The following KDM7A variants were observed in gnomAD, a reference collection of about 807,000 sequenced individuals.
The protein encoded by KDM7A is lysine-specific demethylase 7A.
A neutral mutation model predicts 114.8 loss-of-function variants in KDM7A; 28 were observed. That is an observed-to-expected ratio of 0.24 (90% confidence interval 0.18 to 0.33). The LOEUF is 0.33. Ranked by LOEUF, KDM7A falls within the 10% of genes least tolerant of loss-of-function variation. The pLI, the probability that KDM7A is intolerant of heterozygous loss-of-function variation, is 1.00. For synonymous variants in KDM7A, 423 were observed against 397.8 expected, an observed-to-expected ratio of 1.06 and a Z score of -0.75; for missense variants, 942 against 1,142.5, an observed-to-expected ratio of 0.82 and a Z score of 2.53.
intron 15 of KDM7A, 40 bp from the exon 16 acceptor site, chr7:140,097,087 A>G (rs768767587): frequency 5.3e-6 from 8 of 1,520,248 alleles, no homozygotes; most frequent in Non-Finnish European, 7.2e-6. Flanking sequence ...TACATAAGAA[A>G]TTGACCAAGT....
intron 1 of KDM7A, among the ~76,000 whole-genome samples, chr7:140,145,070 ATTTC>A (rs1285094810): frequency 3.3e-5 from 5 of 152,168 alleles, no homozygotes; most frequent in African/African-American, 1.2e-4. Flanking sequence ...AGCCTCAGGT[ATTTC>A]TTTATAATGA....
intron 1 of KDM7A, among the ~76,000 whole-genome samples, chr7:140,156,958 C>T (rs960104699): frequency 6.6e-6 from 1 of 152,246 alleles, no homozygotes; most frequent in African/African-American, 2.4e-5. Flanking sequence ...CATACTCACC[C>T]TCTGCTCCAT....
intron 2 of KDM7A, 77 bp downstream of exon 2, chr7:140,139,028 G>A (rs1451130725): frequency 6.8e-6 from 6 of 885,576 alleles, no homozygotes; most frequent in African/African-American, 1.6e-5. Flanking sequence ...TATCATTAAA[G>A]TATTACCATG....
rs1196937663 is a variant in KDM7A at position 140,086,987 on chromosome 7, A to G, written c.*4107T>C. On this transcript the variant is annotated 3_prime_UTR_variant, in exon 20 of 20. Coordinates refer to ENST00000397560, the MANE Select transcript of KDM7A (RefSeq NM_030647.2). ...GTCACATGATATTCCAATCAACTCT[A>G]TCTATAGTCTTACTGCTGCAGAGAG... 6.6e-6 allele frequency: 1 copy of G among 152,176 alleles called. No individual in the cohort carries two copies. Among genetic ancestry groups the G allele is most frequent in the Admixed American group, 6.5e-5 (1 of 15,274 alleles). The allele number at this position is 152,176 out of a possible 1,614,324, so 9.4% of individuals were successfully genotyped here.
Position 140,097,113 on chromosome 7 carries a change from C to T in KDM7A, c.2017-66G>A, listed in dbSNP as rs1057075596. ...TTGACCAAGTCTGTACAAATGAATC[C>T]GAAAAGATTTTATACATCTAGAGAA... On this transcript the variant is annotated intron_variant, in intron 15 of 19. Transcript: ENST00000397560. 1.4e-5 allele frequency: 17 copies of T among 1,216,280 alleles called. No individual in the cohort carries two copies. The Admixed American group carries it at 1.5e-4, about 10-fold the overall frequency. The allele number at this position is 1,216,280 out of a possible 1,614,324, so 75.3% of individuals were successfully genotyped here.
chr7:140,127,379 C>T (rs1818723096), intron 5 of KDM7A, 63 bp downstream of exon 5: 1 of 1,366,000 alleles, frequency 7.3e-7, no homozygotes, highest in East Asian at 2.3e-5. Context: ...AAAATAAATA[C>T]ATCATTACAC....
chr7:140,160,273 T>C (rs1585166270), intron 1 of KDM7A, among the ~76,000 whole-genome samples: 1 of 152,262 alleles, frequency 6.6e-6, no homozygotes, highest in Admixed American at 6.5e-5. Context: ...GTGATGGTGG[T>C]AAATGAAACT....
intron 1 of KDM7A, among the ~76,000 whole-genome samples, chr7:140,145,193 G>C (rs1408569841): frequency 6.6e-6 from 1 of 152,146 alleles, no homozygotes; most frequent in Non-Finnish European, 1.5e-5. Context: ...TGCAGACCCA[G>C]AGCAGGAAAT....
At chr7:140,094,322 T>G (rs190175489) in intron 17 of KDM7A, among the ~76,000 whole-genome samples, 184 bp from the exon 18 acceptor site, 2 of 152,200 alleles carry the variant, frequency 1.3e-5, no homozygotes, top group East Asian at 1.9e-4. Flanking sequence ...CTGGCCAACA[T>G]GGTGAAACCC....
Position 140,101,000 on chromosome 7 carries a change from G to A in KDM7A, c.1638+951C>T, listed in dbSNP as rs771570910. On this transcript the variant is annotated intron_variant, in intron 12 of 19. Transcript: ENST00000397560. Reference sequence around the variant, plus strand: ...CCTGACCTCGTGATCCACCCGCCTCGGCCTCCCAATTTTTTTTTTTTTTAA... The same window carrying A: ...CCTGACCTCGTGATCCACCCGCCTCAGCCTCCCAATTTTTTTTTTTTTTAA... Among the ~76,000 whole-genome samples the A allele has an allele frequency of 6.7e-4, 101 of 150,916 alleles. 1 individual carries two copies. The highest frequency in any genetic ancestry group is 5.9e-4 in the Non-Finnish European group (40 of 67,746).
At position 140,124,772 on chromosome 7, in the gene KDM7A, A is replaced by G. The variant is rs754810760; in HGVS notation, c.900T>C (p.Ile300=). Residue 300 remains isoleucine, a synonymous_variant, in exon 7 of 20, where the codon ATT becomes ATC. Transcript: ENST00000397560. ...VWYHVLWGEK[I]FYLIKPTDEN... ...CATCTGTTGGCTTTATTAAATAAAA[A>G]ATCTTCTCACCCTAAAAGGAAGTAT... The G allele has an allele frequency of 1.2e-6, 2 of 1,605,576 alleles. No homozygotes were observed. The highest frequency in any genetic ancestry group is 1.3e-5 in the African/African-American group (1 of 74,700).
At chr7:140,127,686 T>C (rs1818728547) in intron 4 of KDM7A, 103 bp from the exon 5 acceptor site, 1 of 960,146 alleles carries the variant, frequency 1.0e-6, no homozygotes, top group Non-Finnish European at 1.6e-6. Flanking sequence ...AAACCAACTA[T>C]AAAACTATGT....
intron 18 of KDM7A, 96 bp from the exon 19 acceptor site, chr7:140,092,173 C>T: frequency 8.8e-7 from 1 of 1,131,664 alleles, no homozygotes. Context: ...AGAGAAGAAA[C>T]AAACTACTGA....
intron 1 of KDM7A, among the ~76,000 whole-genome samples, chr7:140,148,678 A>G (rs1794368282): frequency 6.6e-6 from 1 of 152,218 alleles, no homozygotes; most frequent in Non-Finnish European, 1.5e-5. Flanking sequence ...GAGACAGATC[A>G]CTTTATTACC....
intron 6 of KDM7A, among the ~76,000 whole-genome samples, chr7:140,125,749 T>C (rs1212993285): frequency 6.6e-6 from 1 of 151,390 alleles, no homozygotes; most frequent in Non-Finnish European, 1.5e-5. Flanking sequence ...TAATTTTTAC[T>C]TTTAGAGACA....
intron 14 of KDM7A, 97 bp from the exon 15 acceptor site, chr7:140,097,739 T>A: frequency 1.5e-6 from 1 of 661,082 alleles, no homozygotes; most frequent in Non-Finnish European, 2.8e-6. Context: ...GCTTGTGATG[T>A]CTCTCAATCT....
chr7:140,138,207 T>C (rs1818899844), intron 2 of KDM7A, among the ~76,000 whole-genome samples: 1 of 151,870 alleles, frequency 6.6e-6, no homozygotes. Context: ...ACTCCAGAGG[T>C]TGAGGCAGGA....
chr7:140,175,024 A>C (rs1794686571), intron 1 of KDM7A, among the ~76,000 whole-genome samples: 1 of 152,188 alleles, frequency 6.6e-6, no homozygotes, highest in Non-Finnish European at 1.5e-5. Flanking sequence ...TCTATATAGA[A>C]CCTAAATGTT....
chr7:140,132,272 T>C (rs1473940986), intron 3 of KDM7A, among the ~76,000 whole-genome samples: 2 of 152,210 alleles, frequency 1.3e-5, no homozygotes, highest in Non-Finnish European at 2.9e-5. Context: ...GGTAATTACA[T>C]TTTGGACATT....
Sources: gnomAD v4.1 joint callset for allele counts (sites outside exome capture counted in the v4.1 genomes callset) on GRCh38, gnomAD v4.1.1 for gene constraint, MANE v1.5 for transcripts, NCBI Gene and HGNC (gene_info 2026-07-23, HGNC 2026-07-21) for gene names.